Variants in CSMD1 observed in about 807,000 individuals in gnomAD.
The protein encoded by CSMD1 is CUB and Sushi multiple domains 1.
In CSMD1, 213 loss-of-function variants were observed where a neutral mutation model predicts 417.5. That is an observed-to-expected ratio of 0.51 (90% confidence interval 0.46 to 0.57). CSMD1 has a LOEUF of 0.57. CSMD1 is among the 20% of genes least tolerant of loss of function. CSMD1 has a pLI of 0.00. For missense variants in CSMD1, 6,923 were observed against 4,529.7 expected, an observed-to-expected ratio of 1.53 and a Z score of -15.17; for synonymous variants, 2,862 against 1,736.8, an observed-to-expected ratio of 1.65 and a Z score of -16.11.
At chr8:3,761,137 A>G (rs1641085364) in intron 5 of CSMD1, among the ~76,000 whole-genome samples, 1 of 152,074 alleles carries the variant, frequency 6.6e-6, no homozygotes, top group Non-Finnish European at 1.5e-5. Flanking sequence ...TCTCATGAAC[A>G]TGTTTTGAGT....
At chr8:2,992,810 T>G (rs1344267931) in intron 54 of CSMD1, among the ~76,000 whole-genome samples, 3 of 152,100 alleles carry the variant, frequency 2.0e-5, no homozygotes, top group Non-Finnish European at 4.4e-5. Flanking sequence ...GTGTCTTGGC[T>G]CACTGTAGCC....
chr8:3,413,870 A>G (rs1334781674), intron 12 of CSMD1, among the ~76,000 whole-genome samples: 1 of 152,022 alleles, frequency 6.6e-6, no homozygotes, highest in Admixed American at 6.6e-5. Context: ...CAGATGCGGT[A>G]GCTCACGCCT....
chr8:3,981,912 C>A (rs1425198247), intron 5 of CSMD1, among the ~76,000 whole-genome samples: 5 of 152,128 alleles, frequency 3.3e-5, no homozygotes, highest in Non-Finnish European at 7.3e-5. Context: ...TTACAATTGC[C>A]TGTAATCCCG....
intron 3 of CSMD1, among the ~76,000 whole-genome samples, chr8:4,233,709 C>T (rs987868705): frequency 1.3e-5 from 2 of 151,980 alleles, no homozygotes; most frequent in Non-Finnish European, 2.9e-5. Flanking sequence ...GTACAGCAGC[C>T]CCAACAGACT....
rs566095409 is a variant in CSMD1, at chr8:4,868,826, C to G, written c.85+125506G>C. Reference sequence around the variant, plus strand: ...AAAAATATCATGTGCTGTATCAGCTCCTCTACAAAATAGAAATTGATAACC... The same window carrying G: ...AAAAATATCATGTGCTGTATCAGCTGCTCTACAAAATAGAAATTGATAACC... On this transcript the variant is annotated intron_variant, in intron 1 of 69. Transcript: ENST00000635120. Among the ~76,000 whole-genome samples, 3 of 151,572 alleles carry G rather than the reference C, an allele frequency of 2.0e-5. No homozygotes were observed. The East Asian group carries it at 5.9e-4, about 30-fold the overall frequency.
chr8:3,090,952 C>CT (rs1814900455), intron 48 of CSMD1, among the ~76,000 whole-genome samples: 1 of 152,070 alleles, frequency 6.6e-6, no homozygotes, highest in South Asian at 2.1e-4. Context: ...ATATAAATCA[C>CT]TGCTGGCAGA....
At chr8:4,896,910 T>C (rs1804529828) in intron 1 of CSMD1, among the ~76,000 whole-genome samples, 1 of 152,124 alleles carries the variant, frequency 6.6e-6, no homozygotes, top group Non-Finnish European at 1.5e-5. Context: ...TGGGCTCCTT[T>C]ATTCTTCCTA....
In CSMD1 at chr8:3,070,179, G is replaced by A. The variant is rs141146739; in HGVS notation, c.7474+16918C>T. On this transcript the variant is annotated intron_variant, in intron 49 of 69. Transcript: ENST00000635120. ...TCTGATGGGAGGGTCTGCCATAAAG[G>A]TCTCTGAAATACCTTCAAGGCCTTT... 1.2e-3 allele frequency among the ~76,000 whole-genome samples: 184 copies of A among 152,298 alleles called. 1 individual carries two copies. Among genetic ancestry groups the A allele is most frequent in the Admixed American group, 1.9e-3 (29 of 15,294 alleles).
intron 12 of CSMD1, among the ~76,000 whole-genome samples, chr8:3,411,074 G>C (rs1812669710): frequency 6.6e-6 from 1 of 152,140 alleles, no homozygotes; most frequent in South Asian, 2.1e-4. Flanking sequence ...CTGCCTGTTG[G>C]GCTTCCTGTT....
At chr8:4,270,905 G>A (rs1278089103) in intron 3 of CSMD1, among the ~76,000 whole-genome samples, 2 of 152,056 alleles carry the variant, frequency 1.3e-5, no homozygotes, top group Non-Finnish European at 2.9e-5. Flanking sequence ...ACAACTCAAG[G>A]TGCTGATCGC....
chr8:4,994,729 G>A lies in CSMD1; in HGVS notation c.-313C>T. Reference sequence around the variant, plus strand: ...CCAAGGCGGCGAGGCTGCGGGAGGGGGAGAAGCGGGGAGAGGAGCGCGCGC... The same window carrying A: ...CCAAGGCGGCGAGGCTGCGGGAGGGAGAGAAGCGGGGAGAGGAGCGCGCGC... On this transcript the variant is annotated 5_prime_UTR_variant, in exon 1 of 70. Transcript: ENST00000635120. 1 of 333,618 alleles carries A rather than the reference G, an allele frequency of 3.0e-6. No homozygotes were observed. Among genetic ancestry groups the A allele is most frequent in the East Asian group, 6.2e-5 (1 of 16,138 alleles). 20.7% of individuals were successfully genotyped at this position (333,618 alleles called of 1,614,324 possible).
At chr8:4,127,010 TA>T (rs1361276245) in intron 3 of CSMD1, among the ~76,000 whole-genome samples, 1 of 152,132 alleles carries the variant, frequency 6.6e-6, no homozygotes, top group Admixed American at 6.5e-5. Context: ...GCCACTGGCC[TA>T]CAAAATATAT....
chr8:4,259,284 T>A (rs1291068525), intron 3 of CSMD1, among the ~76,000 whole-genome samples: 2 of 152,096 alleles, frequency 1.3e-5, no homozygotes, highest in East Asian at 1.9e-4. Context: ...CTGGCTGGCA[T>A]TTGAAATGAA....
intron 2 of CSMD1, among the ~76,000 whole-genome samples, chr8:4,443,503 T>C (rs559891849): frequency 3.9e-5 from 6 of 152,332 alleles, no homozygotes; most frequent in East Asian, 3.9e-4. Flanking sequence ...ATATGCCACA[T>C]ATATTAACAC....
At position 3,489,459 on chromosome 8, in the gene CSMD1, A is replaced by G. The variant is rs538806280; in HGVS notation, c.1448+4164T>C. Among the ~76,000 whole-genome samples, 18 of 152,322 alleles carry G rather than the reference A, an allele frequency of 1.2e-4. No homozygotes were observed. The East Asian group carries it at 3.5e-3, about 29-fold the overall frequency. On this transcript the variant is annotated intron_variant, in intron 11 of 69. Transcript: ENST00000635120. ...CCAATGGCTAATAGCTGCAAAGGCC[A>G]GAGGGAATCCAGGGAAGGCCATAGC...
intron 7 of CSMD1, among the ~76,000 whole-genome samples, chr8:3,677,250 A>G (rs1453681353): frequency 6.6e-6 from 1 of 152,242 alleles, no homozygotes; most frequent in Non-Finnish European, 1.5e-5. Context: ...GATTAATAGC[A>G]TGCATCGAAA....
intron 3 of CSMD1, among the ~76,000 whole-genome samples, chr8:4,075,269 A>C (rs1412766021): frequency 6.6e-6 from 1 of 152,194 alleles, no homozygotes; most frequent in Non-Finnish European, 1.5e-5. Context: ...AGTATTATAA[A>C]ATAAAGATGA....
intron 1 of CSMD1, among the ~76,000 whole-genome samples, chr8:4,711,034 C>T (rs1808259823): frequency 6.6e-6 from 1 of 151,284 alleles, no homozygotes; most frequent in African/African-American, 2.4e-5. Context: ...TTCTAGTTAG[C>T]AACTAAAGAA....
At chr8:3,086,017 C>T (rs1423053172) in intron 49 of CSMD1, among the ~76,000 whole-genome samples, 1 of 152,108 alleles carries the variant, frequency 6.6e-6, no homozygotes, top group Non-Finnish European at 1.5e-5. Context: ...GCCGTTTGGG[C>T]TGTGGTTCTG....
Sources: gnomAD v4.1 joint callset for allele counts (sites outside exome capture counted in the v4.1 genomes callset) on GRCh38, gnomAD v4.1.1 for gene constraint, MANE v1.5 for transcripts, NCBI Gene and HGNC (gene_info 2026-07-23, HGNC 2026-07-21) for gene names.